The following MINDY3 variants were observed in gnomAD, a reference collection of about 807,000 sequenced individuals.
The protein encoded by MINDY3 is ubiquitin carboxyl-terminal hydrolase MINDY-3.
Under a neutral mutation model 69.2 loss-of-function variants are expected in MINDY3, and 38 were observed. That is an observed-to-expected ratio of 0.55 (90% CI 0.42 to 0.72). The LOEUF is 0.72. Ranked by LOEUF, MINDY3 falls within the 30% of genes least tolerant of loss-of-function variation. The pLI, the probability that MINDY3 is intolerant of heterozygous loss-of-function variation, is 0.00. For synonymous variants in MINDY3, 192 were observed against 180.1 expected (o/e 1.07, Z -0.53); for missense variants, 522 against 519.0 (o/e 1.01, Z -0.06).
At chr10:15,791,175 T>TTCAAAACTTTTAATATACTCAAG (rs1255383783) in intron 11 of MINDY3, among the ~76,000 whole-genome samples, 9 of 152,108 alleles carry the variant, frequency 5.9e-5, no homozygotes, top group African/African-American at 2.2e-4. Flanking sequence ...TTCTCAATAA[T>TTCAAAACTTTTAATATACTCAAG]TCAAAACTTT....
intron 11 of MINDY3, among the ~76,000 whole-genome samples, chr10:15,793,824 C>T (rs992734501): frequency 1.3e-5 from 2 of 152,056 alleles, no homozygotes; most frequent in South Asian, 2.1e-4. Context: ...CTTCAGAAAT[C>T]GTAACATTCC....
At chr10:15,843,509 A>T (rs1208808412) in intron 2 of MINDY3, among the ~76,000 whole-genome samples, 1 of 152,070 alleles carries the variant, frequency 6.6e-6, no homozygotes, top group Non-Finnish European at 1.5e-5. Context: ...TCCACAATAC[A>T]TATTTTCTGA....
chr10:15,835,860 T>C (rs1270215519), intron 6 of MINDY3, among the ~76,000 whole-genome samples: 2 of 152,066 alleles, frequency 1.3e-5, no homozygotes, highest in African/African-American at 4.8e-5. Context: ...TGACCTGTCC[T>C]AGTTTAGGCT....
At chr10:15,841,402 T>G (rs778138092) in intron 4 of MINDY3, 24 bp downstream of exon 4, 4 of 1,576,492 alleles carry the variant, frequency 2.5e-6, no homozygotes, top group Non-Finnish European at 2.6e-6. Flanking sequence ...GAAAAAAACT[T>G]CAGGAAATAA....
At chr10:15,815,600 T>C (rs1332289937) in intron 10 of MINDY3, among the ~76,000 whole-genome samples, 1 of 152,144 alleles carries the variant, frequency 6.6e-6, no homozygotes, top group Non-Finnish European at 1.5e-5. Context: ...CTACGAACAT[T>C]CAGCAACCTA....
At chr10:15,801,195 A>G (rs1838235297) in intron 10 of MINDY3, among the ~76,000 whole-genome samples, 1 of 152,192 alleles carries the variant, frequency 6.6e-6, no homozygotes, top group Admixed American at 6.5e-5. Flanking sequence ...GGGAAATGCC[A>G]TAAAGGACAT....
chr10:15,847,931 CT>C lies in MINDY3; in HGVS notation c.106del (p.Ser36ValfsTer8). ...TTCTAATGCAGATCCCTCTGATTCA[CT>C]AAACACAAACCCTAAAAATGAAAGC... The part of the protein sequence containing the change: ...FCRWTQGFVF[S>X]ESEGSALEQF... On this transcript the variant is annotated frameshift_variant, in exon 2 of 15. Coordinates refer to ENST00000277632, the MANE Select transcript of MINDY3 (RefSeq NM_024948.4). LOFTEE classifies it high-confidence loss of function. 6.2e-7 allele frequency: 1 copy of C among 1,613,764 alleles called. No individual in the cohort carries two copies. Among genetic ancestry groups the C allele is most frequent in the Non-Finnish European group, 8.5e-7 (1 of 1,179,758 alleles).
At chr10:15,820,204 G>A (rs919318508) in intron 9 of MINDY3, among the ~76,000 whole-genome samples, 1 of 152,188 alleles carries the variant, frequency 6.6e-6, no homozygotes, top group Non-Finnish European at 1.5e-5. Context: ...CAGCCTGAAG[G>A]GGACAGTGAG....
intron 11 of MINDY3, 66 bp downstream of exon 11, chr10:15,796,034 G>T: frequency 8.9e-7 from 1 of 1,127,340 alleles, no homozygotes; most frequent in Non-Finnish European, 1.3e-6. Context: ...ATAAAATCAG[G>T]TCGCTATCAA....
rs1431142485 is a variant in MINDY3 at position 15,834,485 on chromosome 10, A to T, written c.650+58T>A. ...CTTGACTCAGTCATGTTTTATCTGAAGTCAAGTTTCTAAAAACTGGAGTTC... is the reference window on the plus strand; with the variant it reads ...CTTGACTCAGTCATGTTTTATCTGATGTCAAGTTTCTAAAAACTGGAGTTC... On this transcript the variant is annotated intron_variant, in intron 7 of 14. Coordinates refer to ENST00000277632, the MANE Select transcript of MINDY3 (RefSeq NM_024948.4). The T allele has an allele frequency of 3.3e-6, 4 of 1,200,500 alleles. No homozygotes were observed. The East Asian group carries it at 9.4e-5, about 28-fold the overall frequency. The allele number at this position is 1,200,500 out of a possible 1,614,324, so 74.4% of individuals were successfully genotyped here.
intron 10 of MINDY3, among the ~76,000 whole-genome samples, chr10:15,804,004 T>TGA (rs1472816738): frequency 6.6e-6 from 1 of 152,144 alleles, no homozygotes; most frequent in Non-Finnish European, 1.5e-5. Flanking sequence ...ATCCTACACA[T>TGA]GAGACTCAAC....
chr10:15,786,142 C>A (rs1193435508), intron 13 of MINDY3, among the ~76,000 whole-genome samples: 3 of 152,136 alleles, frequency 2.0e-5, no homozygotes, highest in Non-Finnish European at 4.4e-5. Flanking sequence ...GGCCCAGACC[C>A]ACTTAGGTTT....
At chr10:15,821,812 A>G (rs1448591565) in intron 8 of MINDY3, 86 bp from the exon 9 acceptor site, 6 of 1,022,466 alleles carry the variant, frequency 5.9e-6, no homozygotes, top group East Asian at 2.6e-5. Context: ...ATATGTATAT[A>G]TATTTATACT....
intron 8 of MINDY3, among the ~76,000 whole-genome samples, chr10:15,828,578 T>TAAA (rs57020273): frequency 0.022 from 3,257 of 145,034 alleles, 115 homozygotes; most frequent in African/African-American, 0.075. Flanking sequence ...AAGCTATAAG[T>TAAA]AAAAAAAAAA....
chr10:15,798,270 G>A (rs1354048675), intron 10 of MINDY3, among the ~76,000 whole-genome samples: 7 of 152,140 alleles, frequency 4.6e-5, no homozygotes, highest in South Asian at 2.1e-4. Flanking sequence ...TAACTGAAGC[G>A]TTACTTCAAT....
chr10:15,829,631 G>T (rs1271900938), intron 8 of MINDY3, among the ~76,000 whole-genome samples: 1 of 152,124 alleles, frequency 6.6e-6, no homozygotes, highest in Admixed American at 6.5e-5. Context: ...ACTGAGCAGA[G>T]AAATAACCTA....
chr10:15,837,168 T>C (rs1554817044), intron 6 of MINDY3, 36 bp downstream of exon 6: 2 of 1,240,304 alleles, frequency 1.6e-6, no homozygotes, highest in Non-Finnish European at 2.3e-6. Flanking sequence ...TGAACAACAT[T>C]AATCAAAGGC....
At chr10:15,818,769 A>C (rs1245769784) in intron 9 of MINDY3, among the ~76,000 whole-genome samples, 2 of 152,230 alleles carry the variant, frequency 1.3e-5, no homozygotes, top group Non-Finnish European at 2.9e-5. Context: ...CATTGGTATG[A>C]AATGTACAAA....
intron 8 of MINDY3, among the ~76,000 whole-genome samples, chr10:15,823,307 A>G (rs921352178): frequency 1.3e-5 from 2 of 152,188 alleles, no homozygotes; most frequent in Non-Finnish European, 2.9e-5. Context: ...CCTCTTAGAG[A>G]CTACGTGAGA....
Sources: allele counts gnomAD v4.1 joint callset (sites outside exome capture counted in the v4.1 genomes callset), GRCh38; gene constraint gnomAD v4.1.1; transcripts MANE v1.5; gene names NCBI Gene and HGNC (gene_info 2026-07-23, HGNC 2026-07-21).